IQCJ: variants seen among roughly 807,000 people sequenced by gnomAD.
The protein encoded by IQCJ is IQ domain-containing protein J.
In IQCJ, 9 loss-of-function variants were observed where a neutral mutation model predicts 11.0. That is an observed-to-expected ratio of 0.82 (90% CI 0.49 to 1.43). The LOEUF (loss-of-function observed/expected upper bound fraction) is 1.43, where lower values mean the gene tolerates loss of function less well. Ranked by LOEUF, IQCJ falls within the 40% of genes most tolerant of loss-of-function variation. The pLI is 0.00. For synonymous variants in IQCJ, 55 were observed against 51.3 expected (o/e 1.07, Z -0.31); for missense variants, 146 against 133.2 (o/e 1.10, Z -0.47).
At chr3:159,226,279 C>T (rs188106923) in intron 1 of IQCJ, among the ~76,000 whole-genome samples, 18 of 152,308 alleles carry the variant, frequency 1.2e-4, no homozygotes. Flanking sequence ...CCTCTTGCAA[C>T]CAGCCCTCAT....
intron 1 of IQCJ, among the ~76,000 whole-genome samples, chr3:159,117,794 A>G (rs1041195261): frequency 6.6e-6 from 1 of 152,194 alleles, no homozygotes; most frequent in Non-Finnish European, 1.5e-5. Flanking sequence ...CTTACAATCT[A>G]TCAGAGAAGA....
At chr3:159,226,824 T>G (rs553086485) in intron 1 of IQCJ, among the ~76,000 whole-genome samples, 2 of 152,284 alleles carry the variant, frequency 1.3e-5, no homozygotes, top group South Asian at 4.1e-4. Flanking sequence ...AAGTTCTATT[T>G]TTTGATTGGG....
intron 1 of IQCJ, among the ~76,000 whole-genome samples, chr3:159,241,104 G>GT (rs1007549845): frequency 8.6e-5 from 13 of 151,440 alleles, no homozygotes; most frequent in South Asian, 4.2e-4. Context: ...AACTGAAAGT[G>GT]TTTTTTTTAA....
intron 2 of IQCJ, among the ~76,000 whole-genome samples, chr3:159,249,405 T>G (rs1577114053): frequency 6.6e-6 from 1 of 152,200 alleles, no homozygotes; most frequent in South Asian, 2.1e-4. Context: ...GTGCTTATTT[T>G]TTTTCAATCC....
rs572429800 is a variant in IQCJ, at chr3:159,230,998, G to A, written c.10-14845G>A. On this transcript the variant is annotated intron_variant, in intron 1 of 3. Transcript: ENST00000397832. Reference sequence around the variant, plus strand: ...TACATTTTGAAATCACGCTTTTGCTGTTCATGAAGTAAACTTGATATTCTG... The same window carrying A: ...TACATTTTGAAATCACGCTTTTGCTATTCATGAAGTAAACTTGATATTCTG... Among the ~76,000 whole-genome samples, 4 of 152,246 alleles carry A rather than the reference G, an allele frequency of 2.6e-5. No homozygotes were observed. In the East Asian group the frequency reaches 7.7e-4, roughly 29 times the overall value.
At position 159,172,555 on chromosome 3, in the gene IQCJ, CTT is replaced by C. The variant is rs1179115814; in HGVS notation, c.10-73286_10-73285del. Among the ~76,000 whole-genome samples, 6 of 152,008 alleles carry C rather than the reference CTT, an allele frequency of 3.9e-5. No individual in the cohort carries two copies. In the South Asian group the frequency reaches 1.0e-3, roughly 26 times the overall value. ...CATCAAATTACTCATTACCATTTCT[CTT>C]TGTGATAATGTGGCTTTATCTTGGT... On this transcript the variant is annotated intron_variant, in intron 1 of 3. Transcript: ENST00000397832.
chr3:159,258,108 C>T (rs964211739), intron 3 of IQCJ, among the ~76,000 whole-genome samples: 1 of 152,232 alleles, frequency 6.6e-6, no homozygotes, highest in Non-Finnish European at 1.5e-5. Context: ...TATCAGGCAT[C>T]TGTCTTTCTT....
chr3:159,084,947 A>G (rs1167171849), intron 1 of IQCJ, among the ~76,000 whole-genome samples: 1 of 151,302 alleles, frequency 6.6e-6, no homozygotes, highest in Non-Finnish European at 1.5e-5. Context: ...TTTAAGTTTT[A>G]GGGTATATGT....
intron 3 of IQCJ, among the ~76,000 whole-genome samples, chr3:159,260,053 TAGAAA>T (rs1293815256): frequency 2.6e-5 from 4 of 152,148 alleles, no homozygotes; most frequent in Non-Finnish European, 5.9e-5. Context: ...CCTTATAAAT[TAGAAA>T]AGAAAAGGAT....
At chr3:159,150,615 C>CACACACACAT (rs200139441) in intron 1 of IQCJ, among the ~76,000 whole-genome samples, 91 of 149,938 alleles carry the variant, frequency 6.1e-4, no homozygotes, top group African/African-American at 2.2e-3. Flanking sequence ...CACACACACA[C>CACACACACAT]ATATTCTGGG....
chr3:159,265,488 C>T (rs1448790701), downstream of IQCJ: 3 of 1,063,710 alleles, frequency 2.8e-6, no homozygotes, highest in African/African-American at 4.7e-5. Context: ...CTTCCTCTAA[C>T]AACCATGAGT....
rs1726249593 is a variant in IQCJ at position 159,231,542 on chromosome 3, T to C, written c.10-14301T>C. On this transcript the variant is annotated intron_variant, in intron 1 of 3. Coordinates refer to ENST00000397832, the MANE Select transcript of IQCJ (RefSeq NM_001042706.3). The stretch of plus-strand genomic sequence containing the variant: ...CTGGATTTGGTTTGCCTGTATTTTA[T>C]TGAGGTTTTTTGCATCAATGTTCAT... Among the ~76,000 whole-genome samples the C allele has an allele frequency of 2.0e-5, 3 of 152,346 alleles. No individual in the cohort carries two copies. In the South Asian group the frequency reaches 6.2e-4, roughly 32 times the overall value.
intron 1 of IQCJ, among the ~76,000 whole-genome samples, chr3:159,220,150 A>T (rs1049926581): frequency 1.1e-4 from 17 of 152,094 alleles, no homozygotes; most frequent in Non-Finnish European, 2.5e-4. Context: ...TTTAAAAGGT[A>T]TCTTCTGCAG....
At chr3:159,243,766 TA>T (rs1268648890) in intron 1 of IQCJ, among the ~76,000 whole-genome samples, 1 of 152,086 alleles carries the variant, frequency 6.6e-6, no homozygotes, top group African/African-American at 2.4e-5. Flanking sequence ...ATACTCCAAT[TA>T]AAAAAGAAAA....
chr3:159,245,090 A>G (rs1727171139), intron 1 of IQCJ, among the ~76,000 whole-genome samples: 2 of 152,076 alleles, frequency 1.3e-5, no homozygotes, highest in Non-Finnish European at 2.9e-5. Context: ...AGAGACTACA[A>G]ATGCCTGGAA....
chr3:159,106,501 T>C (rs1315309940), intron 1 of IQCJ, among the ~76,000 whole-genome samples: 2 of 151,700 alleles, frequency 1.3e-5, no homozygotes, highest in African/African-American at 2.4e-5. Context: ...GGAATGGCCA[T>C]TGAGGTAGGA....
At chr3:159,199,715 A>C (rs1447280728) in intron 1 of IQCJ, among the ~76,000 whole-genome samples, 1 of 152,062 alleles carries the variant, frequency 6.6e-6, no homozygotes, top group East Asian at 1.9e-4. Flanking sequence ...AAAGAGCTAA[A>C]ACCTTAAACC....
chr3:159,177,011 T>C (rs75495149), intron 1 of IQCJ, among the ~76,000 whole-genome samples: 3,051 of 152,272 alleles, frequency 0.02, 103 homozygotes, highest in African/African-American at 0.071. Flanking sequence ...TCAGTAAAGC[T>C]GTATTTGATT....
chr3:159,107,572 A>G (rs1442121519), intron 1 of IQCJ, among the ~76,000 whole-genome samples: 1 of 152,190 alleles, frequency 6.6e-6, no homozygotes, highest in Non-Finnish European at 1.5e-5. Flanking sequence ...CTTCTGTCCA[A>G]TTCATTTAAG....
Sources: allele counts gnomAD v4.1 joint callset (sites outside exome capture counted in the v4.1 genomes callset), GRCh38; gene constraint gnomAD v4.1.1; transcripts MANE v1.5; gene names NCBI Gene and HGNC (gene_info 2026-07-23, HGNC 2026-07-21).